The following RAI1 variants were observed in gnomAD, a reference collection of about 807,000 sequenced individuals.
RAI1 encodes retinoic acid induced 1, also known as retinoic acid-induced protein 1.
RAI1 carries 9 observed loss-of-function variants against 123.8 expected under a neutral mutation model. That is an observed-to-expected ratio of 0.07 (90% CI 0.04 to 0.13). The LOEUF is 0.13. RAI1 is among the 10% of genes least tolerant of loss of function. RAI1 has a pLI of 1.00. For missense variants in RAI1, 2,256 were observed against 2,545.8 expected, an observed-to-expected ratio of 0.89 and a Z score of 2.45; for synonymous variants, 1,231 against 1,127.3, an observed-to-expected ratio of 1.09 and a Z score of -1.84.
intron 1 of RAI1, among the ~76,000 whole-genome samples, chr17:17,711,710 C>T (rs944083220): frequency 2.0e-5 from 3 of 151,928 alleles, no homozygotes; most frequent in African/African-American, 7.3e-5. Flanking sequence ...TGGGAAGGTC[C>T]CAGTCTTTGA....
intron 3 of RAI1, 128 bp downstream of exon 3, chr17:17,798,641 T>C: frequency 6.8e-7 from 1 of 1,462,332 alleles, no homozygotes. Context: ...CGGGACAATC[T>C]GCAGAGTCCT....
At position 17,795,162 on chromosome 17, in the gene RAI1, G is replaced by A. The variant is rs201200662; in HGVS notation, c.2214G>A (p.Ala738=). The change falls in exon 3 of 6, where the codon GCG becomes GCA. Residue 738 remains alanine, a synonymous_variant. Coordinates refer to ENST00000353383, the MANE Select transcript of RAI1 (RefSeq NM_030665.4). The surrounding 1 kb of genome is among the most constrained non-coding windows in gnomAD (Gnocchi z 5.9). The part of the protein sequence containing the change: ...CFPDTTAASS[A]DSANPFAWPE... Reference sequence around the variant, plus strand: ...CGGACACAACCGCTGCCAGCTCAGCGGACAGCGCCAACCCCTTTGCCTGGC... The same window carrying A: ...CGGACACAACCGCTGCCAGCTCAGCAGACAGCGCCAACCCCTTTGCCTGGC... 54 of 1,613,892 alleles carry A rather than the reference G, an allele frequency of 3.3e-5. No individual in the cohort carries two copies. Among genetic ancestry groups the A allele is most frequent in the Admixed American group, 8.3e-5 (5 of 60,002 alleles).
intron 1 of RAI1, among the ~76,000 whole-genome samples, chr17:17,697,494 T>C (rs142966974): frequency 6.6e-6 from 1 of 152,380 alleles, no homozygotes; most frequent in Non-Finnish European, 1.5e-5. Flanking sequence ...TTGTAAAATA[T>C]TTAAGACCTG....
intron 1 of RAI1, among the ~76,000 whole-genome samples, chr17:17,706,144 G>A (rs1039668897): frequency 2.0e-5 from 3 of 151,984 alleles, no homozygotes; most frequent in African/African-American, 4.8e-5. Context: ...GCAGAGCCAC[G>A]GTGCTTGCCC....
At chr17:17,807,272 T>G (rs1472059707) in intron 4 of RAI1, among the ~76,000 whole-genome samples, 225 of 131,350 alleles carry the variant, frequency 1.7e-3, no homozygotes, top group Middle Eastern at 8.1e-3. Context: ...GGGGTGGGAG[T>G]GAGAGGGCAC....
Position 17,801,983 on chromosome 17 carries a change from T to A in RAI1, c.5566-1773T>A, listed in dbSNP as rs910021340. ...GTCGTTTGTTTCACTGGCTTCGCAC[T>A]TGGGCAGAGGCCGCCGCCCTCTCTG... is the stretch of plus-strand genomic sequence containing the variant. On this transcript the variant is annotated intron_variant, in intron 3 of 5. Transcript: ENST00000353383. This position sits in a 1 kb window ranked among gnomAD's most constrained non-coding sequence, Gnocchi z 4.1. 5.5e-5 allele frequency: 25 copies of A among 454,562 alleles called. No homozygotes were observed. The highest frequency in any genetic ancestry group is 5.6e-4 in the Middle Eastern group (1 of 1,782). The allele number at this position is 454,562 out of a possible 1,614,324, so 28.2% of individuals were successfully genotyped here. A position where few individuals can be genotyped will look rare whatever the true frequency, so the allele number is the denominator to read the frequency against.
intron 4 of RAI1, among the ~76,000 whole-genome samples, chr17:17,805,374 T>C (rs942430583): frequency 6.6e-6 from 1 of 151,994 alleles, no homozygotes; most frequent in South Asian, 2.1e-4. Flanking sequence ...GCCTCAGTCC[T>C]ATTTTGGGTC....
intron 3 of RAI1, 148 bp downstream of exon 3, chr17:17,798,661 T>C: frequency 7.2e-7 from 1 of 1,384,626 alleles, no homozygotes; most frequent in South Asian, 1.4e-5. Context: ...TGAGCCTCTC[T>C]GGGGTGTGTG....
intron 2 of RAI1, among the ~76,000 whole-genome samples, chr17:17,789,202 G>A (rs986411308): frequency 1.0e-4 from 16 of 152,382 alleles, no homozygotes; most frequent in Non-Finnish European, 1.5e-4. Context: ...AGTCACTGCC[G>A]CTGCTGCTGA....
chr17:17,752,874 C>T (rs1030649487), intron 2 of RAI1, among the ~76,000 whole-genome samples: 1 of 152,264 alleles, frequency 6.6e-6, no homozygotes, highest in African/African-American at 2.4e-5. Context: ...GTGCACTCTC[C>T]GCCCTCATCA....
intron 2 of RAI1, among the ~76,000 whole-genome samples, chr17:17,782,456 G>A (rs1003968408): frequency 2.0e-5 from 3 of 151,734 alleles, no homozygotes; most frequent in Non-Finnish European, 2.9e-5. Context: ...GCACGTGTGC[G>A]GGGCCGCGCG....
chr17:17,782,132 C>T (rs947171222), intron 2 of RAI1: 1 of 151,460 alleles, frequency 6.6e-6, no homozygotes, highest in Non-Finnish European at 1.5e-5. Flanking sequence ...CTTTTCCAGG[C>T]TGAGATTTAG....
chr17:17,782,691 A>C (rs959447548), intron 2 of RAI1, among the ~76,000 whole-genome samples: 2 of 10,816 alleles, frequency 1.8e-4, no homozygotes, highest in African/African-American at 7.8e-4. Context: ...GGGAGGGGGA[A>C]GGGCGGGGGC....
rs2032463388 is a variant in RAI1, at chr17:17,801,567, T to C, written c.5566-2189T>C. On this transcript the variant is annotated intron_variant, in intron 3 of 5. Coordinates refer to ENST00000353383, the MANE Select transcript of RAI1 (RefSeq NM_030665.4). The surrounding 1 kb of genome is among the most constrained non-coding windows in gnomAD (Gnocchi z 4.1). ...AGCCGGCTTGTGTTTCGTCATCCCT[T>C]TTGGGTCAGGAACTGGGGACGCTGG... is the stretch of plus-strand genomic sequence containing the variant. 6.6e-6 allele frequency among the ~76,000 whole-genome samples: 1 copy of C among 152,084 alleles called. No individual in the cohort carries two copies. The highest frequency in any genetic ancestry group is 1.9e-4 in the East Asian group (1 of 5,196).
chr17:17,731,472 A>G (rs1916271307), intron 2 of RAI1, among the ~76,000 whole-genome samples: 1 of 152,134 alleles, frequency 6.6e-6, no homozygotes, highest in Non-Finnish European at 1.5e-5. Flanking sequence ...GACTGAGGCC[A>G]AAAAGGAGTC....
chr17:17,754,874 C>T (rs1349555547), intron 2 of RAI1, among the ~76,000 whole-genome samples: 1 of 152,166 alleles, frequency 6.6e-6, no homozygotes, highest in Non-Finnish European at 1.5e-5. Flanking sequence ...CTTTCCCAGT[C>T]TACATTCATT....
intron 1 of RAI1, among the ~76,000 whole-genome samples, chr17:17,711,082 AGGCAG>A (rs1178551009): frequency 6.6e-6 from 1 of 152,220 alleles, no homozygotes; most frequent in African/African-American, 2.4e-5. Context: ...ATGGATGGGA[AGGCAG>A]GGCCGCAGTA....
chr17:17,783,669 G>A (rs1287854770), intron 2 of RAI1, among the ~76,000 whole-genome samples: 1 of 152,120 alleles, frequency 6.6e-6, no homozygotes, highest in Non-Finnish European at 1.5e-5. Context: ...CGCACTCGCT[G>A]CCGCAGTCCA....
chr17:17,687,206 A>G (rs1372676577), intron 1 of RAI1, among the ~76,000 whole-genome samples: 1 of 152,116 alleles, frequency 6.6e-6, no homozygotes, highest in East Asian at 1.9e-4. Flanking sequence ...GGTGCCCAGA[A>G]TGCTGTGCAG....
Sources: gnomAD v4.1 joint callset for allele counts (sites outside exome capture counted in the v4.1 genomes callset) on GRCh38, gnomAD v4.1.1 for gene constraint, Gnocchi (gnomAD v3.1) non-coding constraint, MANE v1.5 for transcripts, NCBI Gene and HGNC (gene_info 2026-07-23, HGNC 2026-07-21) for gene names.